The following PADI1 variants were observed in gnomAD, a reference collection of about 807,000 sequenced individuals.
The protein encoded by PADI1 is protein-arginine deiminase type-1.
PADI1 carries 65 observed loss-of-function variants against 74.8 expected under a neutral mutation model. That is an observed-to-expected ratio of 0.87 (90% confidence interval 0.71 to 1.07). The LOEUF is 1.07. Among genes scored for constraint, PADI1 ranks in the 50% least tolerant of loss-of-function variants. The pLI is 0.00. For missense variants in PADI1, 943 were observed against 854.0 expected (o/e 1.10, Z -1.30); for synonymous variants, 371 against 336.2 (o/e 1.10, Z -1.13).
Position 17,224,308 on chromosome 1 carries a change from T to C in PADI1, c.347-59T>C, listed in dbSNP as rs1177217604. ...GTCAGAGTTTGCCCAACCTGGACTT[T>C]AGGGGTGTGAAGATGGGGCTGGATG... is the stretch of plus-strand genomic sequence containing the variant. On this transcript the variant is annotated intron_variant, in intron 3 of 15. Coordinates refer to ENST00000375471, the MANE Select transcript of PADI1 (RefSeq NM_013358.3). 25 of 1,481,544 alleles carry C rather than the reference T, an allele frequency of 1.7e-5. No individual in the cohort carries two copies. In the African/African-American group the frequency reaches 3.2e-4, roughly 19 times the overall value. 91.8% of individuals were successfully genotyped at this position (1,481,544 alleles called of 1,614,324 possible). A position where few individuals can be genotyped will look rare whatever the true frequency, so the allele number is the denominator to read the frequency against.
chr1:17,241,092 G>A (rs1360083181), intron 15 of PADI1, among the ~76,000 whole-genome samples: 2 of 152,182 alleles, frequency 1.3e-5, no homozygotes, highest in Admixed American at 1.3e-4. Flanking sequence ...AGCGTGGTTT[G>A]GTTCCAAGTG....
rs142061042 is a variant in PADI1, at chr1:17,228,998, C to G, written c.876C>G (p.Ala292=). The G allele has an allele frequency of 1.7e-4, 269 of 1,595,860 alleles. No individual in the cohort carries two copies. The highest frequency in any genetic ancestry group is 2.2e-4 in the Non-Finnish European group (261 of 1,170,530). Residue 292 remains alanine (A), a synonymous_variant, in exon 8 of 16, where the codon GCC becomes GCG. Coordinates refer to ENST00000375471, the MANE Select transcript of PADI1 (RefSeq NM_013358.3). ...CAGACACTGTGGGCTTCCGCATGGCCCCCTGGATCATGACGCCCAACACTC... is the reference window on the plus strand; with the variant it reads ...CAGACACTGTGGGCTTCCGCATGGCGCCCTGGATCATGACGCCCAACACTC... ...LFTDTVGFRM[A]PWIMTPNTQP... is the part of the protein sequence containing the mutation.
At chr1:17,210,500 C>G (rs1225624053) in intron 1 of PADI1, among the ~76,000 whole-genome samples, 1 of 152,092 alleles carries the variant, frequency 6.6e-6, no homozygotes, top group Non-Finnish European at 1.5e-5. Context: ...AAAGCTGTCC[C>G]TCTTCTCCAG....
chr1:17,215,455 G>A (rs1021413322), intron 1 of PADI1, among the ~76,000 whole-genome samples: 9 of 152,000 alleles, frequency 5.9e-5, no homozygotes, highest in African/African-American at 1.9e-4. Flanking sequence ...CTGTGACTTA[G>A]AGATGTCAAC....
In PADI1 at chr1:17,222,428, C is replaced by T. The variant is rs143029542; in HGVS notation, c.231C>T (p.Val77=). The T allele has an allele frequency of 2.5e-5, 41 of 1,613,830 alleles. No individual in the cohort carries two copies. The highest frequency in any genetic ancestry group is 1.6e-4 in the Middle Eastern group (1 of 6,084). Residue 77 remains valine (V), a synonymous_variant, in exon 2 of 16, where the codon GTC becomes GTT. Transcript: ENST00000375471. ...RWPLDTDADM[V]VSVGTASKEL... ...CGCTAGACACTGATGCAGACATGGT[C>T]GTATCTGTGGGCACAGCCAGTAAGG...
chr1:17,232,785 T>A (rs1242127601), intron 10 of PADI1, 34 bp from the exon 11 acceptor site: 16 of 1,591,550 alleles, frequency 1.0e-5, no homozygotes, highest in Non-Finnish European at 1.4e-5. Context: ...GACCTCTCCT[T>A]CTTGGGGTGG....
intron 1 of PADI1, among the ~76,000 whole-genome samples, chr1:17,214,696 G>T (rs892966600): frequency 3.3e-5 from 5 of 152,158 alleles, no homozygotes; most frequent in African/African-American, 1.2e-4. Flanking sequence ...CCACTGCAGG[G>T]TGGCCTGGGG....
intron 2 of PADI1, 110 bp downstream of exon 2, chr1:17,222,580 C>G (rs758731537): frequency 1.2e-6 from 1 of 835,196 alleles, no homozygotes; most frequent in Non-Finnish European, 2.0e-6. Flanking sequence ...AACCAAACCT[C>G]ACAAAGCTTA....
chr1:17,223,823 C>G (rs1470164116), intron 3 of PADI1, 130 bp downstream of exon 3: 7 of 725,916 alleles, frequency 9.6e-6, no homozygotes, highest in Middle Eastern at 2.3e-4. Flanking sequence ...GGCTTGGATT[C>G]CTCGGGACCT....
At chr1:17,216,363 G>A (rs977872491) in intron 1 of PADI1, among the ~76,000 whole-genome samples, 29 of 152,136 alleles carry the variant, frequency 1.9e-4, no homozygotes, top group African/African-American at 7.0e-4. Context: ...GGTGAGAGCG[G>A]TCAGGGTCTG....
intron 1 of PADI1, among the ~76,000 whole-genome samples, chr1:17,212,409 C>T (rs76698713): frequency 0.06 from 9,001 of 149,946 alleles, 292 homozygotes; most frequent in Middle Eastern, 0.11. Flanking sequence ...GTGCCCCAGA[C>T]GACCCCCAAG....
chr1:17,239,531 C>A, intron 13 of PADI1, 173 bp from the exon 14 acceptor site: 1 of 566,926 alleles, frequency 1.8e-6, no homozygotes, highest in Non-Finnish European at 3.2e-6. Context: ...GTTTTCCTTG[C>A]AGCCATGGCT....
Position 17,244,188 on chromosome 1 carries a change from G to T in PADI1, c.1937G>T (p.Gly646Val). Residue 646 changes from glycine (G) to valine (V), a missense_variant, in exon 16 of 16, where the codon GGC (glycine) becomes GTC (valine). Physicochemically the swap from Gly to Val is moderately radical, Grantham distance 109. Transcript: ENST00000375471. ...GAGCTGCAGGGGGAGATCCACTGTG[G>T]CACCAACGTGCGCAGGAAGCCCTTT... is the stretch of plus-strand genomic sequence containing the variant. ...YHELQGEIHC[G>V]TNVRRKPFPF... The T allele has an allele frequency of 3.1e-6, 5 of 1,614,192 alleles. No homozygotes were observed. Among genetic ancestry groups the T allele is most frequent in the Non-Finnish European group, 4.2e-6 (5 of 1,180,034 alleles).
At chr1:17,211,629 A>C (rs75781514) in intron 1 of PADI1, among the ~76,000 whole-genome samples, 1,614 of 152,340 alleles carry the variant, frequency 0.011, 24 homozygotes, top group African/African-American at 0.037. Flanking sequence ...ATTTGGACCC[A>C]GGTCCACCTG....
intron 1 of PADI1, among the ~76,000 whole-genome samples, chr1:17,219,667 G>A (rs901005885): frequency 7.2e-5 from 11 of 152,028 alleles, no homozygotes; most frequent in African/African-American, 2.7e-4. Flanking sequence ...ACAGAGCGAT[G>A]GTGTGCAAAG....
At chr1:17,227,205 C>A (rs2072340187) in intron 6 of PADI1, among the ~76,000 whole-genome samples, 1 of 144,904 alleles carries the variant, frequency 6.9e-6, no homozygotes, top group Admixed American at 6.9e-5. Flanking sequence ...CACTGCACTC[C>A]AGCCTGGGTG....
At chr1:17,234,480 GA>G (rs2072580069) in intron 11 of PADI1, among the ~76,000 whole-genome samples, 1 of 152,142 alleles carries the variant, frequency 6.6e-6, no homozygotes, top group South Asian at 2.1e-4. Flanking sequence ...GAACTAACTG[GA>G]AAAATGTATT....
chr1:17,226,000 A>G (rs775747939), intron 5 of PADI1, 33 bp from the exon 6 acceptor site: 1 of 1,611,890 alleles, frequency 6.2e-7, no homozygotes, highest in Non-Finnish European at 8.5e-7. Flanking sequence ...TGGGGTGGAG[A>G]AAGGGCGATC....
At chr1:17,233,386 C>T (rs1374901355) in intron 11 of PADI1, among the ~76,000 whole-genome samples, 2 of 152,182 alleles carry the variant, frequency 1.3e-5, no homozygotes, top group Non-Finnish European at 2.9e-5. Context: ...CTGTCCTAAC[C>T]ATGGCTTAAA....
Sources: allele counts gnomAD v4.1 joint callset (sites outside exome capture counted in the v4.1 genomes callset), GRCh38; gene constraint gnomAD v4.1.1; transcripts MANE v1.5; gene names NCBI Gene and HGNC (gene_info 2026-07-23, HGNC 2026-07-21).